Variants in GAS2 observed in about 807,000 individuals in gnomAD.
GAS2 encodes growth arrest-specific protein 2.
GAS2 carries 20 observed loss-of-function variants against 37.5 expected under a neutral mutation model. The observed-to-expected ratio is 0.53, with a 90% CI of 0.37 to 0.77. The LOEUF (loss-of-function observed/expected upper bound fraction) is 0.77, where lower values mean the gene tolerates loss of function less well. Among genes scored for constraint, GAS2 ranks in the 30% least tolerant of loss-of-function variants. The pLI, the probability that GAS2 is intolerant of heterozygous loss-of-function variation, is 0.00. For missense variants in GAS2, 336 were observed against 373.4 expected (o/e 0.90, Z 0.82); for synonymous variants, 144 against 132.2 (o/e 1.09, Z -0.61).
chr11:22,737,615 C>A, intron 4 of GAS2, 90 bp from the exon 5 acceptor site: 1 of 1,156,960 alleles, frequency 8.6e-7, no homozygotes, highest in Non-Finnish European at 1.3e-6. Context: ...TTCCTGGGAG[C>A]ACGAGGAATG....
intron 7 of GAS2, among the ~76,000 whole-genome samples, chr11:22,806,143 C>A (rs117366488): frequency 3.9e-5 from 6 of 152,228 alleles, no homozygotes; most frequent in Admixed American, 3.9e-4. Context: ...TACCAAGCCC[C>A]TATTCAAGAT....
intron 7 of GAS2, among the ~76,000 whole-genome samples, chr11:22,756,821 T>C (rs947719067): frequency 3.9e-5 from 6 of 152,146 alleles, no homozygotes; most frequent in African/African-American, 1.4e-4. Context: ...CAATGTGTTA[T>C]TATTGGAGTA....
chr11:22,794,333 C>A (rs1042915436), intron 7 of GAS2, among the ~76,000 whole-genome samples: 1 of 152,056 alleles, frequency 6.6e-6, no homozygotes, highest in Non-Finnish European at 1.5e-5. Context: ...CTTATTTTCC[C>A]TCCCTAGTTC....
chr11:22,713,545 A>G (rs1015406242), intron 3 of GAS2, among the ~76,000 whole-genome samples: 1 of 152,146 alleles, frequency 6.6e-6, no homozygotes, highest in Non-Finnish European at 1.5e-5. Context: ...TCACCTAGGA[A>G]CTTACATAGT....
At chr11:22,734,656 T>C (rs1269036926) in intron 4 of GAS2, among the ~76,000 whole-genome samples, 1 of 151,774 alleles carries the variant, frequency 6.6e-6, no homozygotes, top group Non-Finnish European at 1.5e-5. Context: ...CCAAGTACTA[T>C]GCTAAGCATA....
chr11:22,810,094 C>T (rs1041296463), intron 7 of GAS2, among the ~76,000 whole-genome samples: 1 of 152,108 alleles, frequency 6.6e-6, no homozygotes, highest in African/African-American at 2.4e-5. Context: ...TGAGTATTTC[C>T]AGGGGAAAAA....
At chr11:22,706,530 T>C (rs528976691) in intron 3 of GAS2, among the ~76,000 whole-genome samples, 1 of 150,724 alleles carries the variant, frequency 6.6e-6, no homozygotes, top group South Asian at 2.1e-4. Context: ...TTCCCCTTCC[T>C]GTGTCCATGT....
chr11:22,808,847 T>C (rs1488320605), intron 7 of GAS2, among the ~76,000 whole-genome samples: 2 of 152,192 alleles, frequency 1.3e-5, no homozygotes, highest in Non-Finnish European at 2.9e-5. Flanking sequence ...TGACTTCAAA[T>C]TTTGGAAGCT....
At chr11:22,712,138 A>G (rs1312483236) in intron 3 of GAS2, among the ~76,000 whole-genome samples, 1 of 152,220 alleles carries the variant, frequency 6.6e-6, no homozygotes, top group Non-Finnish European at 1.5e-5. Flanking sequence ...CCTGCTTCGA[A>G]GAAGGAAAAA....
intron 2 of GAS2, 46 bp from the exon 3 acceptor site, chr11:22,685,622 C>A: frequency 6.3e-7 from 1 of 1,588,386 alleles, no homozygotes; most frequent in Admixed American, 1.7e-5. Flanking sequence ...TAGTGTGAAT[C>A]TGACATTTGA....
intron 5 of GAS2, among the ~76,000 whole-genome samples, chr11:22,745,417 G>A (rs758468803): frequency 1.7e-4 from 26 of 152,122 alleles, no homozygotes; most frequent in Middle Eastern, 6.8e-3. Flanking sequence ...ATAAGCAGAA[G>A]AATGAAACTG....
chr11:22,785,083 G>T (rs1272982451), intron 7 of GAS2, among the ~76,000 whole-genome samples: 1 of 152,114 alleles, frequency 6.6e-6, no homozygotes, highest in East Asian at 1.9e-4. Flanking sequence ...TAGAGATTCT[G>T]AATGCCAAGA....
At chr11:22,776,340 T>A (rs145503625) in intron 7 of GAS2, among the ~76,000 whole-genome samples, 44 of 152,338 alleles carry the variant, frequency 2.9e-4, no homozygotes, top group African/African-American at 1.0e-3. Flanking sequence ...CCAATAACAC[T>A]GTACTTACAA....
chr11:22,646,283 C>T (rs1156507473), intron 1 of GAS2, among the ~76,000 whole-genome samples: 1 of 152,148 alleles, frequency 6.6e-6, no homozygotes, highest in Non-Finnish European at 1.5e-5. Context: ...AGTTTGTTTA[C>T]AGATTATAGT....
chr11:22,686,351 C>CT (rs1454669569), intron 3 of GAS2, among the ~76,000 whole-genome samples: 3 of 151,796 alleles, frequency 2.0e-5, no homozygotes, highest in Non-Finnish European at 4.4e-5. Flanking sequence ...TAGTGTTTGA[C>CT]TTTTTTTGAA....
chr11:22,728,812 T>G (rs1457422502), intron 4 of GAS2, among the ~76,000 whole-genome samples: 2 of 151,192 alleles, frequency 1.3e-5, no homozygotes, highest in Non-Finnish European at 2.9e-5. Flanking sequence ...TAAATGTTCA[T>G]GATAATCAGG....
Position 22,811,932 on chromosome 11 carries a change from C to A in GAS2, c.858C>A (p.Ser286Arg), listed in dbSNP as rs566257901. Residue 286 changes from serine to arginine, a missense_variant, in exon 8 of 8, where the codon AGC becomes AGA. By Grantham distance (110) the Ser-to-Arg change is moderately radical. Coordinates refer to ENST00000454584, the MANE Select transcript of GAS2 (RefSeq NM_001143830.3). ...RVDGKTSPIQ[S>R]KSPTLKDMNP... ...ATGGCAAAACATCCCCTATCCAAAGCAAATCTCCAACTCTAAAGGACATGA... is the reference window on the plus strand; with the variant it reads ...ATGGCAAAACATCCCCTATCCAAAGAAAATCTCCAACTCTAAAGGACATGA... The A allele has an allele frequency of 6.2e-7, 1 of 1,614,078 alleles. No homozygotes were observed. Among genetic ancestry groups the A allele is most frequent in the East Asian group, 2.2e-5 (1 of 44,878 alleles).
chr11:22,698,978 G>C (rs1022696912), intron 3 of GAS2, among the ~76,000 whole-genome samples: 2 of 151,814 alleles, frequency 1.3e-5, no homozygotes, highest in African/African-American at 4.8e-5. Flanking sequence ...ATCTTATTTT[G>C]TGTTTATAAT....
At chr11:22,741,597 C>G (rs146100450) in intron 5 of GAS2, among the ~76,000 whole-genome samples, 1 of 151,954 alleles carries the variant, frequency 6.6e-6, no homozygotes, top group South Asian at 2.1e-4. Context: ...AAAATACTTT[C>G]GGAACATTTT....
Sources: gnomAD v4.1 joint callset for allele counts (sites outside exome capture counted in the v4.1 genomes callset) on GRCh38, gnomAD v4.1.1 for gene constraint, MANE v1.5 for transcripts, NCBI Gene and HGNC (gene_info 2026-07-23, HGNC 2026-07-21) for gene names.